Variants in KLHL6 observed in about 807,000 individuals in gnomAD.
KLHL6 encodes the protein kelch like family member 6.
A neutral mutation model predicts 58.6 loss-of-function variants in KLHL6; 41 were observed. The ratio of observed to expected loss-of-function variants is 0.70; its 90% CI spans 0.55 to 0.91. The LOEUF is 0.91. Among genes scored for constraint, KLHL6 ranks in the 40% least tolerant of loss-of-function variants. The pLI, the probability that KLHL6 is intolerant of heterozygous loss-of-function variation, is 0.00. For synonymous variants in KLHL6, 338 were observed against 322.7 expected (o/e 1.05, Z -0.51); for missense variants, 714 against 805.6 (o/e 0.89, Z 1.38).
At chr3:183,529,934 G>A (rs556447580) in intron 1 of KLHL6, among the ~76,000 whole-genome samples, 13 of 152,126 alleles carry the variant, frequency 8.5e-5, no homozygotes, top group Admixed American at 2.0e-4. Flanking sequence ...AAGAGGAACA[G>A]AGACCAGAAT....
intron 1 of KLHL6, among the ~76,000 whole-genome samples, chr3:183,546,876 T>C (rs1712735926): frequency 6.7e-6 from 1 of 150,246 alleles, no homozygotes; most frequent in African/African-American, 2.4e-5. Context: ...AGCCAACAAG[T>C]GGCGAGTCCG....
intron 2 of KLHL6, among the ~76,000 whole-genome samples, chr3:183,516,683 C>A (rs1232121714): frequency 6.6e-6 from 1 of 152,234 alleles, no homozygotes; most frequent in Non-Finnish European, 1.5e-5. Flanking sequence ...GACTCCATGT[C>A]TCCCTCAAGG....
chr3:183,523,389 T>C (rs75905873), intron 2 of KLHL6, among the ~76,000 whole-genome samples: 2,363 of 152,340 alleles, frequency 0.016, 70 homozygotes, highest in African/African-American at 0.054. Flanking sequence ...CTCCTCTAAC[T>C]GCCACCATGT....
At chr3:183,530,988 C>T (rs531999411) in intron 1 of KLHL6, among the ~76,000 whole-genome samples, 13 of 152,080 alleles carry the variant, frequency 8.5e-5, no homozygotes, top group East Asian at 1.9e-4. Context: ...CTCGCCACCA[C>T]GCCTGGCTAA....
At chr3:183,520,401 G>A (rs1485879564) in intron 2 of KLHL6, 1 of 152,104 alleles carries the variant, frequency 6.6e-6, no homozygotes, top group Non-Finnish European at 1.5e-5. Flanking sequence ...CATCAGGTGG[G>A]ACAAGAGACT....
intron 1 of KLHL6, among the ~76,000 whole-genome samples, chr3:183,555,028 G>T (rs969446971): frequency 6.6e-6 from 1 of 152,102 alleles, no homozygotes; most frequent in East Asian, 1.9e-4. Context: ...TCCGGGTGTT[G>T]TGGTGCATGC....
intron 1 of KLHL6, 62 bp from the exon 2 acceptor site, chr3:183,528,072 T>A: frequency 1.3e-6 from 2 of 1,585,718 alleles, no homozygotes; most frequent in Non-Finnish European, 1.7e-6. Context: ...CCTAAAGAGA[T>A]CCCCTTTCAG....
At chr3:183,543,979 C>T (rs895679373) in intron 1 of KLHL6, among the ~76,000 whole-genome samples, 2 of 152,056 alleles carry the variant, frequency 1.3e-5, no homozygotes, top group East Asian at 3.9e-4. Context: ...GCCTGGCCAA[C>T]ATGGTGAAAC....
chr3:183,528,630 A>G (rs1033344559), intron 1 of KLHL6, among the ~76,000 whole-genome samples: 1 of 152,214 alleles, frequency 6.6e-6, no homozygotes, highest in Non-Finnish European at 1.5e-5. Flanking sequence ...TCTTGGCTGC[A>G]GGGGAAGAGG....
intron 1 of KLHL6, among the ~76,000 whole-genome samples, chr3:183,543,058 T>C (rs920532980): frequency 6.6e-6 from 1 of 152,122 alleles, no homozygotes; most frequent in African/African-American, 2.4e-5. Context: ...TTTGGGAGGC[T>C]GAGGCGGGCA....
intron 2 of KLHL6, among the ~76,000 whole-genome samples, chr3:183,511,183 C>T (rs193044403): frequency 3.2e-4 from 49 of 152,300 alleles, no homozygotes; most frequent in African/African-American, 8.9e-4. Flanking sequence ...AGCAAGAAAA[C>T]ATGTGAGCAA....
chr3:183,550,088 A>G (rs1449379110), intron 1 of KLHL6, among the ~76,000 whole-genome samples: 1 of 152,186 alleles, frequency 6.6e-6, no homozygotes, highest in Non-Finnish European at 1.5e-5. Flanking sequence ...GGATGTTATA[A>G]AAAGGAAGCT....
chr3:183,517,448 C>T (rs1711603840), intron 2 of KLHL6, among the ~76,000 whole-genome samples: 1 of 152,210 alleles, frequency 6.6e-6, no homozygotes, highest in African/African-American at 2.4e-5. Flanking sequence ...ATTCTCTGCT[C>T]CCTCTAGCCA....
intron 2 of KLHL6, among the ~76,000 whole-genome samples, chr3:183,523,460 G>A (rs1480200805): frequency 6.6e-6 from 1 of 152,208 alleles, no homozygotes; most frequent in African/African-American, 2.4e-5. Context: ...CAGGCCAGAT[G>A]ACCAAGCTCC....
chr3:183,496,581 A>G (rs1233953829), intron 4 of KLHL6, among the ~76,000 whole-genome samples: 1 of 152,254 alleles, frequency 6.6e-6, no homozygotes, highest in Non-Finnish European at 1.5e-5. Context: ...ATTATGGTTT[A>G]TCCATTTGGT....
At position 183,494,300 on chromosome 3, in the gene KLHL6, A is replaced by G. The variant is rs1004115881; in HGVS notation, c.1148-19T>C. On this transcript the variant is annotated intron_variant, in intron 4 of 6. Coordinates refer to ENST00000341319, the MANE Select transcript of KLHL6 (RefSeq NM_130446.4). ...TTGCCACCTGCAAGAGATACAAAGCATTTAAGAAACCATCAGATGTGTCAG... is the reference window on the plus strand; with the variant it reads ...TTGCCACCTGCAAGAGATACAAAGCGTTTAAGAAACCATCAGATGTGTCAG... The G allele has an allele frequency of 6.3e-7, 1 of 1,593,402 alleles. No individual in the cohort carries two copies. The highest frequency in any genetic ancestry group is 1.3e-5 in the African/African-American group (1 of 74,452).
intron 2 of KLHL6, among the ~76,000 whole-genome samples, chr3:183,511,592 C>A (rs1718186663): frequency 6.6e-6 from 1 of 152,162 alleles, no homozygotes; most frequent in Admixed American, 6.5e-5. Context: ...TGGACAATAC[C>A]CGGCTTTCCA....
At chr3:183,506,234 A>G (rs1407935132) in intron 3 of KLHL6, among the ~76,000 whole-genome samples, 1 of 152,210 alleles carries the variant, frequency 6.6e-6, no homozygotes, top group Non-Finnish European at 1.5e-5. Flanking sequence ...TCTTGTCTTT[A>G]TAAAGTTCTG....
At chr3:183,529,803 G>GAAAT (rs1712099594) in intron 1 of KLHL6, among the ~76,000 whole-genome samples, 1 of 151,970 alleles carries the variant, frequency 6.6e-6, no homozygotes, top group Non-Finnish European at 1.5e-5. Context: ...AAGAAAGAAA[G>GAAAT]AAAGGAAACT....
Sources: allele counts gnomAD v4.1 joint callset (sites outside exome capture counted in the v4.1 genomes callset), GRCh38; gene constraint gnomAD v4.1.1; transcripts MANE v1.5; gene names NCBI Gene and HGNC (gene_info 2026-07-23, HGNC 2026-07-21).